The following CNTN4 variants were observed in gnomAD, a reference collection of about 807,000 sequenced individuals.
CNTN4 encodes the protein contactin 4.
Under a neutral mutation model 122.5 loss-of-function variants are expected in CNTN4, and 77 were observed. That is an observed-to-expected ratio of 0.63 (90% CI 0.52 to 0.76). CNTN4 has a LOEUF of 0.76. CNTN4 is among the 30% of genes least tolerant of loss of function. CNTN4 has a pLI of 0.00. For synonymous variants in CNTN4, 512 were observed against 447.0 expected (o/e 1.15, Z -1.83); for missense variants, 1,256 against 1,259.1 (o/e 1.00, Z 0.04).
chr3:2,219,731 G>C (rs1013706705), intron 2 of CNTN4, among the ~76,000 whole-genome samples: 1 of 151,426 alleles, frequency 6.6e-6, no homozygotes, highest in African/African-American at 2.5e-5. Context: ...ACTCATAATA[G>C]TTATTCACAT....
At chr3:2,868,011 A>G (rs2093743459) in intron 8 of CNTN4, among the ~76,000 whole-genome samples, 1 of 152,194 alleles carries the variant, frequency 6.6e-6, no homozygotes, top group African/African-American at 2.4e-5. Flanking sequence ...TGATTTAAGC[A>G]GTCGTTGTAG....
chr3:2,908,371 G>A (rs1414451741), intron 12 of CNTN4, among the ~76,000 whole-genome samples: 1 of 152,200 alleles, frequency 6.6e-6, no homozygotes, highest in Non-Finnish European at 1.5e-5. Context: ...AAATCATTGG[G>A]TAAATATAGA....
At position 3,040,290 on chromosome 3, in the gene CNTN4, A is replaced by C. The variant is rs754692353; in HGVS notation, c.2398+19A>C. 6.5e-7 allele frequency: 1 copy of C among 1,526,992 alleles called. No individual in the cohort carries two copies. Among genetic ancestry groups the C allele is most frequent in the Admixed American group, 1.7e-5 (1 of 59,954 alleles). 94.6% of individuals were successfully genotyped at this position (1,526,992 alleles called of 1,614,324 possible). Reference sequence around the variant, plus strand: ...GAAGAAGGTATCGTTTATGCTGCCTAGATCATTGACTGTTAATATTTCTTC... The same window carrying C: ...GAAGAAGGTATCGTTTATGCTGCCTCGATCATTGACTGTTAATATTTCTTC... On this transcript the variant is annotated intron_variant, in intron 20 of 24. Coordinates refer to ENST00000418658, the MANE Select transcript of CNTN4 (RefSeq NM_175607.3).
chr3:2,243,040 G>A (rs912051891), intron 2 of CNTN4, among the ~76,000 whole-genome samples: 10 of 152,010 alleles, frequency 6.6e-5, no homozygotes, highest in African/African-American at 2.2e-4. Flanking sequence ...AGCTGAGCAC[G>A]GTCTAAGTTG....
chr3:2,818,059 C>G (rs572611492), intron 6 of CNTN4, among the ~76,000 whole-genome samples: 9 of 152,278 alleles, frequency 5.9e-5, no homozygotes, highest in Admixed American at 5.2e-4. Context: ...ACAGCCCAAA[C>G]CTGGCAGTCT....
At chr3:2,719,457 G>T (rs533098733) in intron 4 of CNTN4, among the ~76,000 whole-genome samples, 147 of 152,264 alleles carry the variant, frequency 9.7e-4, no homozygotes, top group African/African-American at 3.4e-3. Context: ...ACCATGCCCA[G>T]CTGATTTTTT....
chr3:2,422,148 G>A (rs114894298), intron 3 of CNTN4, among the ~76,000 whole-genome samples: 3,228 of 152,280 alleles, frequency 0.021, 64 homozygotes, highest in Non-Finnish European at 0.03. Flanking sequence ...ATTAGAGAGG[G>A]GTTTTAACCA....
chr3:2,925,925 G>A (rs1002212943), intron 13 of CNTN4, 146 bp downstream of exon 13: 2 of 712,684 alleles, frequency 2.8e-6, no homozygotes, highest in East Asian at 2.7e-5. Context: ...GGAAGGATGA[G>A]TGGTAAGTTA....
intron 8 of CNTN4, among the ~76,000 whole-genome samples, chr3:2,872,221 T>A (rs1389431418): frequency 6.6e-6 from 1 of 152,184 alleles, no homozygotes; most frequent in East Asian, 1.9e-4. Context: ...TCGATGATAA[T>A]CATATTGGCT....
chr3:2,941,426 C>T (rs1164832957), intron 13 of CNTN4, among the ~76,000 whole-genome samples: 1 of 152,222 alleles, frequency 6.6e-6, no homozygotes, highest in Non-Finnish European at 1.5e-5. Context: ...AAGGAACTCA[C>T]TCCTGCCACC....
chr3:2,338,411 AAAGAT>A (rs2044045288), intron 2 of CNTN4, among the ~76,000 whole-genome samples: 1 of 152,008 alleles, frequency 6.6e-6, no homozygotes, highest in Non-Finnish European at 1.5e-5. Context: ...TAGTATGATT[AAAGAT>A]ATTTCTGATT....
At chr3:2,644,950 A>G (rs2083054994) in intron 4 of CNTN4, among the ~76,000 whole-genome samples, 1 of 150,984 alleles carries the variant, frequency 6.6e-6, no homozygotes, top group South Asian at 2.1e-4. Flanking sequence ...TCCCAGTTAA[A>G]TATTCAAAAC....
At chr3:2,936,137 A>G (rs2094565690) in intron 13 of CNTN4, among the ~76,000 whole-genome samples, 1 of 152,188 alleles carries the variant, frequency 6.6e-6, no homozygotes, top group Non-Finnish European at 1.5e-5. Context: ...CTTTTAAGTT[A>G]TCTCCTGTCC....
At chr3:2,961,344 G>GA (rs1230856653) in intron 13 of CNTN4, among the ~76,000 whole-genome samples, 5 of 151,130 alleles carry the variant, frequency 3.3e-5, no homozygotes, top group Non-Finnish European at 7.4e-5. Flanking sequence ...CAAGAGCAAT[G>GA]AAAAGTCTTG....
chr3:3,052,729 G>A (rs1006648206), intron 23 of CNTN4, among the ~76,000 whole-genome samples: 1 of 152,178 alleles, frequency 6.6e-6, no homozygotes, highest in African/African-American at 2.4e-5. Flanking sequence ...GGCCCAAGAT[G>A]AAAACAGGAC....
intron 2 of CNTN4, among the ~76,000 whole-genome samples, chr3:2,161,922 A>G (rs1013812995): frequency 6.6e-6 from 1 of 152,204 alleles, no homozygotes; most frequent in African/African-American, 2.4e-5. Flanking sequence ...AGCCTGGAAT[A>G]ATCTGCTCCG....
intron 14 of CNTN4, among the ~76,000 whole-genome samples, chr3:2,994,079 A>G (rs1037101249): frequency 6.6e-6 from 1 of 152,190 alleles, no homozygotes; most frequent in Non-Finnish European, 1.5e-5. Context: ...TAAGCTAAGA[A>G]GACCCTAAAG....
At chr3:3,020,903 G>C (rs1022688580) in intron 14 of CNTN4, among the ~76,000 whole-genome samples, 1 of 152,080 alleles carries the variant, frequency 6.6e-6, no homozygotes, top group Non-Finnish European at 1.5e-5. Flanking sequence ...ATGTATTAAT[G>C]AATCCAAAAC....
chr3:2,586,087 GGTACCTCT>G (rs2080190549), intron 4 of CNTN4, among the ~76,000 whole-genome samples: 1 of 151,860 alleles, frequency 6.6e-6, no homozygotes, highest in Non-Finnish European at 1.5e-5. Context: ...GGCTAATATT[GGTACCTCT>G]GTACCTCTGT....
Sources: gnomAD v4.1 joint callset for allele counts (sites outside exome capture counted in the v4.1 genomes callset) on GRCh38, gnomAD v4.1.1 for gene constraint, MANE v1.5 for transcripts, NCBI Gene and HGNC (gene_info 2026-07-23, HGNC 2026-07-21) for gene names.